The following GLIS3 variants were observed in gnomAD, a reference collection of about 807,000 sequenced individuals.
GLIS3 encodes the protein zinc finger protein GLIS3.
In GLIS3, 53 loss-of-function variants were observed where a neutral mutation model predicts 78.6. The ratio of observed to expected loss-of-function variants is 0.67; its 90% CI spans 0.54 to 0.85. The LOEUF is 0.85. GLIS3 is among the 40% of genes least tolerant of loss of function. The pLI is 0.00. For missense variants in GLIS3, 1,703 were observed against 1,231.1 expected (o/e 1.38, Z -5.74); for synonymous variants, 684 against 509.9 (o/e 1.34, Z -4.60).
intron 2 of GLIS3, among the ~76,000 whole-genome samples, chr9:4,142,827 C>G (rs984808245): frequency 3.3e-5 from 5 of 152,070 alleles, no homozygotes. Context: ...CCTTCCAAAC[C>G]TAACCCATCT....
intron 2 of GLIS3, among the ~76,000 whole-genome samples, chr9:4,314,710 T>C (rs1227940240): frequency 2.6e-5 from 4 of 152,232 alleles, no homozygotes; most frequent in Non-Finnish European, 5.9e-5. Flanking sequence ...ACACTGATTT[T>C]TCTGGAGCCA....
the GLIS3 span, among the ~76,000 whole-genome samples, chr9:4,434,203 A>G: frequency 2.0e-5 from 3 of 151,926 alleles, no homozygotes; most frequent in South Asian, 6.2e-4. Context: ...GTATATAGTT[A>G]TTTATCCATG....
chr9:3,941,163 T>C (rs934142526), intron 4 of GLIS3, among the ~76,000 whole-genome samples: 3 of 152,158 alleles, frequency 2.0e-5, no homozygotes, highest in East Asian at 1.9e-4. Context: ...TGTCCATTTA[T>C]TGATGAAAAT....
intron 2 of GLIS3, among the ~76,000 whole-genome samples, chr9:4,276,405 AGGGGAGGGAAGGGGAGGGGAGG>A (rs2130226979): frequency 5.8e-4 from 5 of 8,612 alleles, no homozygotes; most frequent in Non-Finnish European, 1.2e-3. Context: ...AGGGAAGGGG[AGGGGAGGGAAGGGGAGGGGAGG>A]GAAGGGGACG....
At chr9:4,249,252 G>C (rs919678517) in intron 2 of GLIS3, among the ~76,000 whole-genome samples, 11 of 152,154 alleles carry the variant, frequency 7.2e-5, no homozygotes. Flanking sequence ...TCCTATCCAT[G>C]AACATGGAAT....
chr9:4,263,053 A>G (rs1825670382), intron 2 of GLIS3, among the ~76,000 whole-genome samples: 1 of 152,194 alleles, frequency 6.6e-6, no homozygotes, highest in South Asian at 2.1e-4. Context: ...AGTGCAACCA[A>G]TCAGGAGTAT....
intron 2 of GLIS3, among the ~76,000 whole-genome samples, chr9:4,328,557 A>G (rs1341176619): frequency 1.3e-5 from 2 of 152,222 alleles, no homozygotes; most frequent in Non-Finnish European, 2.9e-5. Flanking sequence ...TAGAGGGGCC[A>G]AGCCCAGAAT....
the GLIS3 span, among the ~76,000 whole-genome samples, chr9:4,411,530 G>T: frequency 1.3e-5 from 2 of 152,190 alleles, no homozygotes; most frequent in African/African-American, 4.8e-5. Context: ...GTGTATCCCA[G>T]TTTGGGAACC....
chr9:4,164,364 G>C (rs1316618814), intron 2 of GLIS3, among the ~76,000 whole-genome samples: 3 of 152,172 alleles, frequency 2.0e-5, no homozygotes, highest in Non-Finnish European at 2.9e-5. Context: ...TCTTTCATTA[G>C]CCCAAGGCTT....
chr9:3,910,286 C>T (rs1382815323), intron 6 of GLIS3, among the ~76,000 whole-genome samples: 2 of 152,180 alleles, frequency 1.3e-5, no homozygotes, highest in South Asian at 2.1e-4. Flanking sequence ...CATGGTTTAG[C>T]TTCTTTGTTG....
the GLIS3 span, among the ~76,000 whole-genome samples, chr9:4,489,083 G>A: frequency 2.6e-4 from 40 of 151,936 alleles, no homozygotes; most frequent in East Asian, 5.8e-3. Flanking sequence ...TAGCCAGGAT[G>A]GTCTCAATCT....
At chr9:3,870,018 G>A (rs1820869312) in intron 8 of GLIS3, among the ~76,000 whole-genome samples, 1 of 152,100 alleles carries the variant, frequency 6.6e-6, no homozygotes, top group African/African-American at 2.4e-5. Flanking sequence ...TAGAAACAAA[G>A]CCTGAATTAA....
intron 4 of GLIS3, among the ~76,000 whole-genome samples, chr9:4,047,166 G>A (rs888600297): frequency 1.1e-4 from 17 of 152,144 alleles, no homozygotes; most frequent in Non-Finnish European, 1.5e-5. Flanking sequence ...GAGTTCTCAT[G>A]AGAGCTGATG....
At chr9:4,169,658 T>G (rs896790874) in intron 2 of GLIS3, among the ~76,000 whole-genome samples, 4 of 152,196 alleles carry the variant, frequency 2.6e-5, no homozygotes, top group African/African-American at 9.7e-5. Flanking sequence ...AAAATGTGCA[T>G]GTTTGTAGAA....
chr9:4,377,583 G>A, the GLIS3 span, among the ~76,000 whole-genome samples: 12 of 78,598 alleles, frequency 1.5e-4, 1 homozygote, highest in African/African-American at 4.2e-4. Flanking sequence ...CTGTCCCTCC[G>A]GAGAACCCTA....
chr9:4,452,824 T>G, the GLIS3 span, among the ~76,000 whole-genome samples: 5,533 of 151,616 alleles, frequency 0.036, 277 homozygotes, highest in East Asian at 0.23. Flanking sequence ...TTAAATTTCA[T>G]ATGGAACCAA....
upstream of GLIS3, among the ~76,000 whole-genome samples, chr9:4,349,042 T>G (rs1484640917): frequency 6.6e-6 from 1 of 152,174 alleles, no homozygotes; most frequent in African/African-American, 2.4e-5. Flanking sequence ...TGAAACTCAA[T>G]AATAATAAAA....
At chr9:4,147,666 C>T (rs1834333175) in intron 2 of GLIS3, 1 of 151,990 alleles carries the variant, frequency 6.6e-6, no homozygotes, top group Admixed American at 6.6e-5. Flanking sequence ...ACAATGACTC[C>T]CTTCAAGGGG....
chr9:4,283,569 T>C (rs1827743690), intron 2 of GLIS3, among the ~76,000 whole-genome samples: 1 of 152,168 alleles, frequency 6.6e-6, no homozygotes, highest in Non-Finnish European at 1.5e-5. Context: ...CCCCACCTAC[T>C]GTGCTGTAGT....
Sources: allele counts gnomAD v4.1 joint callset (sites outside exome capture counted in the v4.1 genomes callset), GRCh38; gene constraint gnomAD v4.1.1; transcripts MANE v1.5; gene names NCBI Gene and HGNC (gene_info 2026-07-23, HGNC 2026-07-21).